Variants in BRSK1 observed in about 807,000 individuals in gnomAD.
BRSK1 encodes BR serine/threonine kinase 1, also known as serine/threonine-protein kinase BRSK1.
BRSK1 carries 17 observed loss-of-function variants against 86.2 expected under a neutral mutation model. The observed-to-expected ratio is 0.20, with a 90% CI of 0.14 to 0.30. The LOEUF is 0.30. Ranked by LOEUF, BRSK1 falls within the 10% of genes least tolerant of loss-of-function variation. BRSK1 has a pLI of 1.00. For missense variants in BRSK1, 719 were observed against 1,071.9 expected (o/e 0.67, Z 4.60); for synonymous variants, 464 against 440.1 (o/e 1.05, Z -0.68).
In BRSK1 at chr19:55,287,096, A is replaced by C; in HGVS notation, c.226A>C (p.Met76Leu). 1 of 1,512,432 alleles carries C rather than the reference A, an allele frequency of 6.6e-7. No homozygotes were observed. The highest frequency in any genetic ancestry group is 9.0e-7 in the Non-Finnish European group (1 of 1,116,766). The allele number at this position is 1,512,432 out of a possible 1,614,324, so 93.7% of individuals were successfully genotyped here. A position where few individuals can be genotyped will look rare whatever the true frequency, so the allele number is the denominator to read the frequency against. Reference sequence around the variant, plus strand: ...GGAGAAGCTGTCGGAGTCGGTGCTGATGAAGGTGTGTGCGCCTGCTGCAGT... The same window carrying C: ...GGAGAAGCTGTCGGAGTCGGTGCTGCTGAAGGTGTGTGCGCCTGCTGCAGT... ...NREKLSESVL[M>L]KVEREIAILK... is the part of the protein sequence containing the mutation. Residue 76 changes from methionine (M) to leucine (L), a missense_variant, in exon 2 of 19, where the codon ATG (methionine) becomes CTG (leucine). Physicochemically the swap from Met to Leu is conservative, Grantham distance 15. This residue lies in a region of BRSK1 where 71 missense variants were observed against 92.6 expected (regional missense o/e 0.77). Transcript: ENST00000309383. This position sits in a 1 kb window ranked among gnomAD's most constrained non-coding sequence, Gnocchi z 5.3.
rs2088597957 is a variant in BRSK1, at chr19:55,303,196, G to GA, written c.1029-109dup. On this transcript the variant is annotated intron_variant, in intron 10 of 18. Transcript: ENST00000309383. This position sits in a 1 kb window ranked among gnomAD's most constrained non-coding sequence, Gnocchi z 5.1. The stretch of plus-strand genomic sequence containing the variant: ...GAGAAACTGACCATACTGATACCTA[G>GA]AAAAAATGGAACCATGGGCAGAAAT... 5 of 836,580 alleles carry GA rather than the reference G, an allele frequency of 6.0e-6. No individual in the cohort carries two copies. Among genetic ancestry groups the GA allele is most frequent in the Middle Eastern group, 2.3e-4 (1 of 4,414 alleles). The allele number at this position is 836,580 out of a possible 1,614,324, so 51.8% of individuals were successfully genotyped here.
Position 55,308,746 on chromosome 19 carries a change from GGGT to G in BRSK1, c.2179+24_2179+26del. The G allele has an allele frequency of 9.2e-7, 1 of 1,081,320 alleles. No individual in the cohort carries two copies. 67.0% of individuals were successfully genotyped at this position (1,081,320 alleles called of 1,614,324 possible). A position where few individuals can be genotyped will look rare whatever the true frequency, so the allele number is the denominator to read the frequency against. On this transcript the variant is annotated intron_variant, in intron 18 of 18. Coordinates refer to ENST00000309383, the MANE Select transcript of BRSK1 (RefSeq NM_032430.2). ...CCTGGCAGGTGGGTGGTGGGGCCGT[GGGT>G]GGTGGGGGGCGTGGGTGGCGGGGGC...
intron 3 of BRSK1, among the ~76,000 whole-genome samples, chr19:55,288,212 G>A (rs2088349144): frequency 6.6e-6 from 1 of 152,112 alleles, no homozygotes; most frequent in African/African-American, 2.4e-5. Context: ...CAGGCGCGGT[G>A]GCTCATGCCT....
At chr19:55,299,361 A>G (rs552334095) in intron 7 of BRSK1, among the ~76,000 whole-genome samples, 99 of 145,064 alleles carry the variant, frequency 6.8e-4, no homozygotes, top group African/African-American at 2.4e-3. Context: ...TGTTGTTATA[A>G]TTTGTTTTGG....
rs765201423 is a variant in BRSK1, at chr19:55,289,484, C to T, written c.322C>T (p.Leu108=). 2 of 1,612,186 alleles carry T rather than the reference C, an allele frequency of 1.2e-6. No individual in the cohort carries two copies. The highest frequency in any genetic ancestry group is 1.7e-5 in the Admixed American group (1 of 59,658). Residue 108 remains leucine (L), a synonymous_variant, in exon 4 of 19, where the codon CTG becomes TTG. Coordinates refer to ENST00000309383, the MANE Select transcript of BRSK1 (RefSeq NM_032430.2). ...TGCCCCCTCTATATCCTTTAGGTAC[C>T]TGGTTCTGGAGCACGTCTCGGGGGG... ...DVYENKKYLY[L]VLEHVSGGEL... is the part of the protein sequence containing the mutation.
Position 55,306,391 on chromosome 19 carries a change from C to G in BRSK1, c.2030C>G (p.Pro677Arg). Reference sequence around the variant, plus strand: ...TCCTCTGAGGGTCCAGAGCCCTCCCCGCGACGGGACGGCAGCGGAGGTGGT... The same window carrying G: ...TCCTCTGAGGGTCCAGAGCCCTCCCGGCGACGGGACGGCAGCGGAGGTGGT... ...ISSSEGPEPS[P>R]RRDGSGGGGI... The change falls in exon 17 of 19, where the codon CCG becomes CGG. Residue 677 changes from proline to arginine, a missense_variant. Pro to Arg is a moderately radical substitution (Grantham distance 103). Coordinates refer to ENST00000309383, the MANE Select transcript of BRSK1 (RefSeq NM_032430.2). This position sits in a 1 kb window ranked among gnomAD's most constrained non-coding sequence, Gnocchi z 4.7. 6.2e-7 allele frequency: 1 copy of G among 1,613,968 alleles called. No individual in the cohort carries two copies. The highest frequency in any genetic ancestry group is 8.5e-7 in the Non-Finnish European group (1 of 1,180,032).
chr19:55,289,504 G>C lies in BRSK1; in HGVS notation c.342G>C (p.Ser114=), dbSNP rs142000353. The change falls in exon 4 of 19, where the codon TCG becomes TCC. Residue 114 remains serine (S), a synonymous_variant. Transcript: ENST00000309383. The part of the protein sequence containing the change: ...KYLYLVLEHV[S]GGELFDYLVK... ...GGTACCTGGTTCTGGAGCACGTCTC[G>C]GGGGGTGAGCTATTCGACTACCTGG... is the stretch of plus-strand genomic sequence containing the variant. The C allele has an allele frequency of 2.5e-6, 4 of 1,613,766 alleles. No homozygotes were observed. Among genetic ancestry groups the C allele is most frequent in the Non-Finnish European group, 3.4e-6 (4 of 1,179,866 alleles).
At chr19:55,285,819 C>T (rs766493517) in intron 1 of BRSK1, among the ~76,000 whole-genome samples, 1 of 152,012 alleles carries the variant, frequency 6.6e-6, no homozygotes, top group Admixed American at 6.6e-5. Context: ...CCGACTGGGC[C>T]GTAACTGGGA....
chr19:55,289,421 C>G (rs62126358), intron 3 of BRSK1, 59 bp from the exon 4 acceptor site: 766,334 of 1,547,804 alleles, frequency 0.5, 193,643 homozygotes, highest in East Asian at 0.79. Context: ...AGTGGGAGAC[C>G]AGGCCCTTTG....
chr19:55,288,268 G>A (rs2088350231), intron 3 of BRSK1, among the ~76,000 whole-genome samples: 1 of 151,984 alleles, frequency 6.6e-6, no homozygotes, highest in South Asian at 2.1e-4. Flanking sequence ...ATTTCTTGAA[G>A]AGCTCGAGAC....
At chr19:55,311,477 C>G (rs1717707193) in intron 18 of BRSK1, among the ~76,000 whole-genome samples, 1 of 152,166 alleles carries the variant, frequency 6.6e-6, no homozygotes, top group African/African-American at 2.4e-5. Flanking sequence ...AGTAGGCTCC[C>G]TTGAGCCCAG....
At chr19:55,301,213 C>A (rs1024875601) in intron 7 of BRSK1, among the ~76,000 whole-genome samples, 1 of 152,190 alleles carries the variant, frequency 6.6e-6, no homozygotes, top group African/African-American at 2.4e-5. Flanking sequence ...AACGGATGCT[C>A]ACCTTTTGTT....
At position 55,310,560 on chromosome 19, in the gene BRSK1, AC is replaced by A. The variant is rs2088762646; in HGVS notation, c.2180-1350del. Among the ~76,000 whole-genome samples the A allele has an allele frequency of 1.3e-5, 2 of 151,754 alleles. No homozygotes were observed. Among genetic ancestry groups the A allele is most frequent in the South Asian group, 4.2e-4 (2 of 4,764 alleles). On this transcript the variant is annotated intron_variant, in intron 18 of 18. Transcript: ENST00000309383. This position sits in a 1 kb window ranked among gnomAD's most constrained non-coding sequence, Gnocchi z 5.0. ...TTCAGCCTAGCCCAACCCCCTAGGG[AC>A]ATTTAGTAATGTCTGGAGACATTTT...
In BRSK1 at chr19:55,287,978, C is replaced by G. The variant is rs1042873994; in HGVS notation, c.317+679C>G. On this transcript the variant is annotated intron_variant, in intron 3 of 18. Transcript: ENST00000309383. The surrounding 1 kb of genome is among the most constrained non-coding windows in gnomAD (Gnocchi z 5.3). Reference sequence around the variant, plus strand: ...CCGGATGAACTGACATCAGGTCCGTCGATGCTGGCGCAGGTTTCACCACAC... The same window carrying G: ...CCGGATGAACTGACATCAGGTCCGTGGATGCTGGCGCAGGTTTCACCACAC... 1 of 154,950 alleles carries G rather than the reference C, an allele frequency of 6.5e-6. No homozygotes were observed. Among genetic ancestry groups the G allele is most frequent in the Non-Finnish European group, 1.4e-5 (1 of 69,730 alleles). 9.6% of individuals were successfully genotyped at this position (154,950 alleles called of 1,614,324 possible). A position where few individuals can be genotyped will look rare whatever the true frequency, so the allele number is the denominator to read the frequency against.
Position 55,310,667 on chromosome 19 carries a change from C to T in BRSK1, c.2180-1244C>T, listed in dbSNP as rs755773944. Among the ~76,000 whole-genome samples, 9 of 152,182 alleles carry T rather than the reference C, an allele frequency of 5.9e-5. No homozygotes were observed. Among genetic ancestry groups the T allele is most frequent in the Non-Finnish European group, 8.8e-5 (6 of 68,032 alleles). The stretch of plus-strand genomic sequence containing the variant: ...GCCAGGGATGCTGTAAAACACCCTA[C>T]AATTCACAGAACAGCCCCCCACGAC... On this transcript the variant is annotated intron_variant, in intron 18 of 18. Transcript: ENST00000309383. The surrounding 1 kb of genome is among the most constrained non-coding windows in gnomAD (Gnocchi z 5.0).
chr19:55,300,336 C>T (rs1047742250), intron 7 of BRSK1, among the ~76,000 whole-genome samples: 1 of 152,110 alleles, frequency 6.6e-6, no homozygotes, highest in Non-Finnish European at 1.5e-5. Flanking sequence ...GGTGCTGTGA[C>T]GACCCATTGC....
chr19:55,302,560 C>T lies in BRSK1; in HGVS notation c.858-137C>T, dbSNP rs928333822. On this transcript the variant is annotated intron_variant, in intron 9 of 18. Coordinates refer to ENST00000309383, the MANE Select transcript of BRSK1 (RefSeq NM_032430.2). This position sits in a 1 kb window ranked among gnomAD's most constrained non-coding sequence, Gnocchi z 6.3. The stretch of plus-strand genomic sequence containing the variant: ...CTGAGATGGGGGGCGAGGTCTGGGG[C>T]GTCTGGATTCCTGGGTATGAGAGAG... 6.2e-6 allele frequency: 7 copies of T among 1,135,994 alleles called. No individual in the cohort carries two copies. The highest frequency in any genetic ancestry group is 4.8e-5 in the East Asian group (2 of 41,900). 70.4% of individuals were successfully genotyped at this position (1,135,994 alleles called of 1,614,324 possible). A position where few individuals can be genotyped will look rare whatever the true frequency, so the allele number is the denominator to read the frequency against.
rs1001584230 is a variant in BRSK1 at position 55,294,059 on chromosome 19, A to G, written c.501A>G (p.Lys167=). The G allele has an allele frequency of 9.3e-6, 15 of 1,613,742 alleles. No individual in the cohort carries two copies. The highest frequency in any genetic ancestry group is 1.3e-5 in the Non-Finnish European group (15 of 1,179,896). ...LKPENLLLDE[K]NNIRIADFGM... is the part of the protein sequence containing the mutation. ...CCGAGAACCTGCTTTTGGATGAGAA[A>G]AACAACATCCGCATTGCAGACTTCG... Residue 167 remains lysine (K), a synonymous_variant, in exon 5 of 19, where the codon AAA becomes AAG. Transcript: ENST00000309383. This position sits in a 1 kb window ranked among gnomAD's most constrained non-coding sequence, Gnocchi z 4.9.
chr19:55,306,269 C>T lies in BRSK1; in HGVS notation c.1908C>T (p.His636=), dbSNP rs756260240. The part of the protein sequence containing the change: ...HAFLSIPSLS[H]SVLSQTSFRA... ...TCGCTCAGATCCCCAGCCTGAGTCA[C>T]AGTGTGCTGTCACAGACCAGCTTCA... is the stretch of plus-strand genomic sequence containing the variant. Residue 636 remains histidine (H), a synonymous_variant, in exon 17 of 19, where the codon CAC becomes CAT. Coordinates refer to ENST00000309383, the MANE Select transcript of BRSK1 (RefSeq NM_032430.2). This position sits in a 1 kb window ranked among gnomAD's most constrained non-coding sequence, Gnocchi z 4.7. 13 of 1,613,972 alleles carry T rather than the reference C, an allele frequency of 8.1e-6. No individual in the cohort carries two copies. Among genetic ancestry groups the T allele is most frequent in the South Asian group, 4.4e-5 (4 of 91,092 alleles).
Sources: gnomAD v4.1 joint callset for allele counts (sites outside exome capture counted in the v4.1 genomes callset) on GRCh38, gnomAD v4.1.1 for gene constraint, gnomAD v4.1.1 regional missense constraint, Gnocchi (gnomAD v3.1) non-coding constraint, MANE v1.5 for transcripts, NCBI Gene and HGNC (gene_info 2026-07-23, HGNC 2026-07-21) for gene names.